Variants in RYR1 observed in about 807,000 individuals in gnomAD.
RYR1 encodes ryanodine receptor 1, also known as central core disease of muscle.
Under a neutral mutation model 583.5 loss-of-function variants are expected in RYR1, and 342 were observed. The ratio of observed to expected loss-of-function variants is 0.59; its 90% CI spans 0.54 to 0.64. The LOEUF (loss-of-function observed/expected upper bound fraction) is 0.64, where lower values mean the gene tolerates loss of function less well. Ranked by LOEUF, RYR1 falls within the 30% of genes least tolerant of loss-of-function variation. RYR1 has a pLI of 0.00. For missense variants in RYR1, 6,032 were observed against 6,917.2 expected, an observed-to-expected ratio of 0.87 and a Z score of 4.54; for synonymous variants, 2,791 against 2,822.5, an observed-to-expected ratio of 0.99 and a Z score of 0.35.
chr19:38,448,698 CT>C lies in RYR1; in HGVS notation c.1008del (p.Glu337ArgfsTer53), dbSNP rs1568441076. On this transcript the variant is annotated frameshift_variant, in exon 11 of 106. Transcript: ENST00000359596. LOFTEE classifies it high-confidence loss of function. ...CGGGATGTGGAGGGCATGGGCCCCC[CT>C]GAGATCAAGTACGGGGAGTCACTGT... ...PKRDVEGMGP[P>X]EIKYGESLCF... is the part of the protein sequence containing the mutation. The C allele has an allele frequency of 6.2e-7, 1 of 1,614,244 alleles. No homozygotes were observed. Among genetic ancestry groups the C allele is most frequent in the Non-Finnish European group, 8.5e-7 (1 of 1,180,034 alleles).
At chr19:38,572,622 T>C (rs1243347973) in intron 95 of RYR1, among the ~76,000 whole-genome samples, 1 of 152,060 alleles carries the variant, frequency 6.6e-6, no homozygotes, top group Non-Finnish European at 1.5e-5. Context: ...TTCCACCTCC[T>C]TGCACCTGCC....
intron 89 of RYR1, 62 bp downstream of exon 89, chr19:38,548,482 C>A: frequency 1.3e-6 from 2 of 1,524,182 alleles, no homozygotes; most frequent in Non-Finnish European, 1.8e-6. Context: ...CCAGCCATAC[C>A]CTTCTGGCTG....
At position 38,502,585 on chromosome 19, in the gene RYR1, T is replaced by G. The variant is rs1045946272; in HGVS notation, c.7693T>G (p.Cys2565Gly). The G allele has an allele frequency of 4.3e-6, 7 of 1,612,356 alleles. No individual in the cohort carries two copies. The highest frequency in any genetic ancestry group is 5.9e-6 in the Non-Finnish European group (7 of 1,179,902). The change falls in exon 48 of 106, where the codon TGT becomes GGT. Residue 2565 changes from cysteine (C) to glycine (G), a missense_variant. Around this residue, in one of 11 missense-constraint regions of RYR1, gnomAD observed 250 missense variants for 162.3 expected, o/e 1.54. Transcript: ENST00000359596. Reference protein sequence around the residue: ...CLAVLPLITKCAPLFAGTEHR... With the variant: ...CLAVLPLITKGAPLFAGTEHR... ...GGCCGTGCTGCCGCTCATCACCAAG[T>G]GTGCGCCGCTCTTTGCGGGCACAGA...
chr19:38,562,932 C>T lies in RYR1; in HGVS notation c.12624+1478C>T, dbSNP rs967322953. Reference sequence around the variant, plus strand: ...GCACACTCATCTGTGCCCCTCGGGGCCCCACTGCATACACACCCCCATCTG... The same window carrying T: ...GCACACTCATCTGTGCCCCTCGGGGTCCCACTGCATACACACCCCCATCTG... On this transcript the variant is annotated intron_variant, in intron 90 of 105. Transcript: ENST00000359596. 4.6e-5 allele frequency among the ~76,000 whole-genome samples: 7 copies of T among 152,208 alleles called. No individual in the cohort carries two copies. In the East Asian group the frequency reaches 1.2e-3, roughly 25 times the overall value.
chr19:38,438,235 C>G (rs1056824257), intron 1 of RYR1, among the ~76,000 whole-genome samples: 2 of 151,846 alleles, frequency 1.3e-5, no homozygotes, highest in African/African-American at 4.9e-5. Context: ...TTCACTCCCT[C>G]ACTGATCTCA....
chr19:38,506,064 A>C (rs1156828244), intron 54 of RYR1, 118 bp downstream of exon 54: 3 of 1,377,716 alleles, frequency 2.2e-6, no homozygotes, highest in South Asian at 1.3e-5. Context: ...TAGGTGGGGC[A>C]AGAGGGGTGC....
rs1973145274 is a variant in RYR1 at position 38,561,579 on chromosome 19, G to T, written c.12624+125G>T. On this transcript the variant is annotated intron_variant, in intron 90 of 105. Coordinates refer to ENST00000359596, the MANE Select transcript of RYR1 (RefSeq NM_000540.3). This position sits in a 1 kb window ranked among gnomAD's most constrained non-coding sequence, Gnocchi z 4.8. The stretch of plus-strand genomic sequence containing the variant: ...TCGCATATCTGCCCTGCTCCGGCAA[G>T]CCCACGCCCACCCTTTTGTACACAT... 5 of 900,514 alleles carry T rather than the reference G, an allele frequency of 5.6e-6. No individual in the cohort carries two copies. Among genetic ancestry groups the T allele is most frequent in the Non-Finnish European group, 8.4e-6 (5 of 596,728 alleles). The allele number at this position is 900,514 out of a possible 1,614,324, so 55.8% of individuals were successfully genotyped here.
chr19:38,495,211 T>C (rs902086808), intron 39 of RYR1, among the ~76,000 whole-genome samples: 1 of 152,138 alleles, frequency 6.6e-6, no homozygotes, highest in Admixed American at 6.6e-5. Flanking sequence ...GAGCCAAGCC[T>C]ACTCTGAAGG....
At chr19:38,570,152 C>A in intron 93 of RYR1, among the ~76,000 whole-genome samples, 1 of 151,802 alleles carries the variant, frequency 6.6e-6, no homozygotes, top group East Asian at 1.9e-4. Flanking sequence ...CAGAGTGAGA[C>A]CTTGTCTCAA....
At chr19:38,549,217 C>CT (rs1352511358) in intron 89 of RYR1, among the ~76,000 whole-genome samples, 1 of 152,156 alleles carries the variant, frequency 6.6e-6, no homozygotes, top group Admixed American at 6.6e-5. Context: ...CTCTAACCAC[C>CT]TCTCCCATCC....
chr19:38,448,446 C>T lies in RYR1; in HGVS notation c.892C>T (p.Leu298=), dbSNP rs1478820145. The change falls in exon 10 of 106, where the codon CTG becomes TTG. Residue 298 remains leucine, a synonymous_variant. Coordinates refer to ENST00000359596, the MANE Select transcript of RYR1 (RefSeq NM_000540.3). ...QYLALTEDQG[L]VVVDASKAHT... is the part of the protein sequence containing the mutation. ...CCTAGCGCTCACCGAGGACCAGGGC[C>T]TGGTGGTGGTTGACGCCAGCAAGGC... The T allele has an allele frequency of 1.9e-6, 3 of 1,613,812 alleles. No homozygotes were observed. The highest frequency in any genetic ancestry group is 2.5e-6 in the Non-Finnish European group (3 of 1,180,002).
intron 76 of RYR1, among the ~76,000 whole-genome samples, chr19:38,531,954 C>T (rs1971755597): frequency 6.6e-6 from 1 of 152,120 alleles, no homozygotes; most frequent in Non-Finnish European, 1.5e-5. Flanking sequence ...TTTTACTGGA[C>T]AGCATGGACA....
chr19:38,502,615 C>T lies in RYR1; in HGVS notation c.7723C>T (p.Arg2575Cys), dbSNP rs1970183094. ...GCCGCTCTTTGCGGGCACAGAACAC[C>T]GCGCCATCATGGTGGACTCTATGCT... is the stretch of plus-strand genomic sequence containing the variant. Reference protein sequence around the residue: ...CAPLFAGTEHRAIMVDSMLHT... With the variant: ...CAPLFAGTEHCAIMVDSMLHT... Residue 2575 changes from arginine to cysteine, a missense_variant, in exon 48 of 106, where the codon CGC (arginine) becomes TGC (cysteine). Coordinates refer to ENST00000359596, the MANE Select transcript of RYR1 (RefSeq NM_000540.3). 2.5e-6 allele frequency: 4 copies of T among 1,613,044 alleles called. No individual in the cohort carries two copies. Among genetic ancestry groups the T allele is most frequent in the East Asian group, 2.2e-5 (1 of 44,856 alleles).
intron 87 of RYR1, among the ~76,000 whole-genome samples, chr19:38,545,036 C>T (rs1375604444): frequency 6.6e-6 from 1 of 151,984 alleles, no homozygotes; most frequent in Non-Finnish European, 1.5e-5. Flanking sequence ...CTTAACAGCC[C>T]TAGAGGGAAG....
chr19:38,462,646 A>G (rs778788161), intron 20 of RYR1, among the ~76,000 whole-genome samples: 2 of 152,246 alleles, frequency 1.3e-5, no homozygotes, highest in Admixed American at 1.3e-4. Flanking sequence ...ATTTACATTA[A>G]TGATCTCACT....
Position 38,505,061 on chromosome 19 carries a change from G to A in RYR1, c.8290G>A (p.Glu2764Lys), listed in dbSNP as rs193922829. 8.7e-6 allele frequency: 14 copies of A among 1,614,062 alleles called. No homozygotes were observed. The highest frequency in any genetic ancestry group is 1.6e-4 in the Middle Eastern group (1 of 6,062). Residue 2764 changes from glutamate (E) to lysine (K), a missense_variant, in exon 52 of 106, where the codon GAG (glutamate) becomes AAG (lysine). By Grantham distance (56) the Glu-to-Lys change is moderately conservative (BLOSUM62 1). Transcript: ENST00000359596. ...FINKFAEYTH[E>K]KWAFDKIQNN... ...TAACAAGTTTGCGGAGTACACACAC[G>A]AGAAGTGGGCCTTCGACAAGGTTGG...
chr19:38,458,975 C>T (rs1325398186), intron 18 of RYR1, among the ~76,000 whole-genome samples, 171 bp from the exon 19 acceptor site: 1 of 152,198 alleles, frequency 6.6e-6, no homozygotes, highest in Non-Finnish European at 1.5e-5. Context: ...CAGGGGAACC[C>T]TGACCTCTGC....
chr19:38,435,877 T>G (rs1382660222), intron 1 of RYR1, among the ~76,000 whole-genome samples: 1 of 152,148 alleles, frequency 6.6e-6, no homozygotes, highest in Non-Finnish European at 1.5e-5. Context: ...TTTACCCAGT[T>G]TATGTGTTCA....
Position 38,481,191 on chromosome 19 carries a change from A to G in RYR1, c.4621-1836A>G, listed in dbSNP as rs1207236247. Among the ~76,000 whole-genome samples, 6 of 152,146 alleles carry G rather than the reference A, an allele frequency of 3.9e-5. No individual in the cohort carries two copies. In the South Asian group the frequency reaches 6.2e-4, roughly 16 times the overall value. On this transcript the variant is annotated intron_variant, in intron 31 of 105. Coordinates refer to ENST00000359596, the MANE Select transcript of RYR1 (RefSeq NM_000540.3). ...ACCCAGGCTGGTGCACAGTGGTGCAATCTTGGCTTACTGCAGCCTCAACCT... is the reference window on the plus strand; with the variant it reads ...ACCCAGGCTGGTGCACAGTGGTGCAGTCTTGGCTTACTGCAGCCTCAACCT...
Sources: gnomAD v4.1 joint callset for allele counts (sites outside exome capture counted in the v4.1 genomes callset) on GRCh38, gnomAD v4.1.1 for gene constraint, gnomAD v4.1.1 regional missense constraint, Gnocchi (gnomAD v3.1) non-coding constraint, MANE v1.5 for transcripts, NCBI Gene and HGNC (gene_info 2026-07-23, HGNC 2026-07-21) for gene names.